The following PGAP1 variants were observed in gnomAD, a reference collection of about 807,000 sequenced individuals.
PGAP1 encodes GPI inositol-deacylase.
PGAP1 carries 76 observed loss-of-function variants against 127.0 expected under a neutral mutation model. The ratio of observed to expected loss-of-function variants is 0.60; its 90% CI spans 0.50 to 0.72. PGAP1 has a LOEUF of 0.72. Ranked by LOEUF, PGAP1 falls within the 30% of genes least tolerant of loss-of-function variation. The probability of loss-of-function intolerance (pLI) is 0.00; values close to 1 mark genes in which losing one functional copy is unlikely to be tolerated. For synonymous variants in PGAP1, 362 were observed against 366.5 expected (o/e 0.99, Z 0.14); for missense variants, 982 against 1,071.3 (o/e 0.92, Z 1.16).
At chr2:196,857,527 T>G (rs952651627) in intron 20 of PGAP1, among the ~76,000 whole-genome samples, 1 of 152,194 alleles carries the variant, frequency 6.6e-6, no homozygotes, top group African/African-American at 2.4e-5. Flanking sequence ...TATCAAAATC[T>G]AACTATGGGG....
At chr2:196,845,816 G>A (rs879345263) in intron 23 of PGAP1, 66 bp downstream of exon 23, 23 of 1,377,972 alleles carry the variant, frequency 1.7e-5, no homozygotes, top group Non-Finnish European at 1.9e-5. Flanking sequence ...CAATGCCTAC[G>A]GAACATCCTA....
intron 18 of PGAP1, among the ~76,000 whole-genome samples, chr2:196,871,190 A>G (rs781758470): frequency 6.6e-6 from 1 of 152,174 alleles, no homozygotes; most frequent in Non-Finnish European, 1.5e-5. Context: ...ACTTTCCCAC[A>G]TATCTAATTA....
At chr2:196,885,786 G>A (rs370427817) in intron 11 of PGAP1, 48 bp downstream of exon 11, 13 of 1,214,852 alleles carry the variant, frequency 1.1e-5, no homozygotes, top group African/African-American at 4.7e-5. Flanking sequence ...TGTGGTTTCC[G>A]AGTATTGTTT....
At chr2:196,925,212 T>C (rs1358532256) in intron 1 of PGAP1, among the ~76,000 whole-genome samples, 2 of 152,158 alleles carry the variant, frequency 1.3e-5, no homozygotes, top group African/African-American at 4.8e-5. Context: ...CTAAATTTAC[T>C]AGAATTTTTC....
At chr2:196,855,303 C>A (rs534573993) in intron 20 of PGAP1, among the ~76,000 whole-genome samples, 9 of 130,446 alleles carry the variant, frequency 6.9e-5, no homozygotes, top group African/African-American at 1.8e-4. Context: ...TCTAGCCTGG[C>A]GACAGAGCGA....
intron 19 of PGAP1, among the ~76,000 whole-genome samples, chr2:196,870,299 C>CTTTT (rs762457188): frequency 3.6e-5 from 5 of 139,806 alleles, no homozygotes; most frequent in Admixed American, 7.2e-5. Flanking sequence ...TTCTTTCTTT[C>CTTTT]TTTTTTTTTT....
intron 4 of PGAP1, among the ~76,000 whole-genome samples, chr2:196,903,388 C>T (rs1364363803): frequency 6.6e-6 from 1 of 151,288 alleles, no homozygotes; most frequent in African/African-American, 2.4e-5. Context: ...TGGTGAAAGC[C>T]CATCTCTACT....
intron 20 of PGAP1, among the ~76,000 whole-genome samples, chr2:196,850,640 G>C (rs1576095152): frequency 6.6e-6 from 1 of 151,888 alleles, no homozygotes; most frequent in South Asian, 2.1e-4. Context: ...ATTGGCTCTT[G>C]GAAGGAAGGA....
intron 21 of PGAP1, 162 bp from the exon 22 acceptor site, chr2:196,847,362 T>C: frequency 1.9e-6 from 1 of 535,616 alleles, no homozygotes; most frequent in Non-Finnish European, 3.2e-6. Flanking sequence ...ATGGAACAAG[T>C]CATTTATTTT....
intron 19 of PGAP1, among the ~76,000 whole-genome samples, chr2:196,865,804 A>G (rs192377563): frequency 6.6e-6 from 1 of 152,294 alleles, no homozygotes; most frequent in Non-Finnish European, 1.5e-5. Flanking sequence ...TATAATAACA[A>G]AAACAAGCAT....
chr2:196,922,457 G>A (rs1218240925), intron 1 of PGAP1: 10 of 980,286 alleles, frequency 1.0e-5, no homozygotes, highest in Non-Finnish European at 1.1e-5. Context: ...AGTTATAGGG[G>A]CTCCATTAAA....
Position 196,836,672 on chromosome 2 carries a change from A to G in PGAP1, c.*4562T>C, listed in dbSNP as rs1442443533. 1 of 149,256 alleles carries G rather than the reference A, an allele frequency of 6.7e-6. No homozygotes were observed. The allele number at this position is 149,256 out of a possible 1,614,324, so 9.2% of individuals were successfully genotyped here. A position where few individuals can be genotyped will look rare whatever the true frequency, so the allele number is the denominator to read the frequency against. ...GGGTAAACATAAAAGTTCATTACAG[A>G]ATTTAAAACATTCTTAGTTCAAAAA... is the stretch of plus-strand genomic sequence containing the variant. On this transcript the variant is annotated 3_prime_UTR_variant, in exon 27 of 27. Transcript: ENST00000354764.
At chr2:196,905,437 G>A (rs115382636) in intron 4 of PGAP1, among the ~76,000 whole-genome samples, 1,577 of 152,138 alleles carry the variant, frequency 0.01, 25 homozygotes, top group African/African-American at 0.035. Context: ...CAGAAAAACC[G>A]GGCCTCATAA....
At chr2:196,926,369 G>A (rs1422842024) in intron 1 of PGAP1, 101 bp downstream of exon 1, 25 of 1,555,388 alleles carry the variant, frequency 1.6e-5, no homozygotes, top group African/African-American at 2.7e-5. Context: ...CAGGGGGCCC[G>A]AGAGGCGCAG....
At chr2:196,919,825 A>G (rs1413066619) in intron 2 of PGAP1, among the ~76,000 whole-genome samples, 172 bp downstream of exon 2, 1 of 152,138 alleles carries the variant, frequency 6.6e-6, no homozygotes, top group East Asian at 1.9e-4. Context: ...TATTTCTCAC[A>G]TTATTCTCTC....
At chr2:196,904,040 C>G (rs1337702792) in intron 4 of PGAP1, among the ~76,000 whole-genome samples, 1 of 152,134 alleles carries the variant, frequency 6.6e-6, no homozygotes, top group Non-Finnish European at 1.5e-5. Flanking sequence ...CAGTGGGGCA[C>G]ACATGCCATA....
At chr2:196,922,060 T>C (rs1703213723) in intron 1 of PGAP1, 1 of 961,924 alleles carries the variant, frequency 1.0e-6, no homozygotes, top group Non-Finnish European at 1.3e-6. Flanking sequence ...CTATGTAGTT[T>C]ATTTTAAATG....
chr2:196,915,894 C>T (rs566568186), intron 3 of PGAP1, among the ~76,000 whole-genome samples: 1 of 152,164 alleles, frequency 6.6e-6, no homozygotes, highest in East Asian at 1.9e-4. Context: ...CAATTCTCTG[C>T]TTTCTTTAGC....
intron 11 of PGAP1, 136 bp from the exon 12 acceptor site, chr2:196,885,611 T>C: frequency 9.3e-6 from 6 of 646,488 alleles, no homozygotes; most frequent in Non-Finnish European, 1.5e-5. Context: ...CAATATACTC[T>C]GTCCACATAT....
Sources: gnomAD v4.1 joint callset for allele counts (sites outside exome capture counted in the v4.1 genomes callset) on GRCh38, gnomAD v4.1.1 for gene constraint, MANE v1.5 for transcripts, NCBI Gene and HGNC (gene_info 2026-07-23, HGNC 2026-07-21) for gene names.